The following ATF7IP variants were observed in gnomAD, a reference collection of about 807,000 sequenced individuals.
The protein encoded by ATF7IP is activating transcription factor 7 interacting protein, also known as activating transcription factor 7-interacting protein 1.
Under a neutral mutation model 106.4 loss-of-function variants are expected in ATF7IP, and 23 were observed. The ratio of observed to expected loss-of-function variants is 0.22; its 90% CI spans 0.16 to 0.31. The LOEUF (loss-of-function observed/expected upper bound fraction) is 0.31. Ranked by LOEUF, ATF7IP falls within the 10% of genes least tolerant of loss-of-function variation. ATF7IP has a pLI of 1.00. For missense variants in ATF7IP, 1,334 were observed against 1,524.3 expected (o/e 0.88, Z 2.08); for synonymous variants, 542 against 539.0 (o/e 1.01, Z -0.08).
In ATF7IP at chr12:14,427,954, A is replaced by T. The variant is rs145683022; in HGVS notation, c.1558+2481A>T. ...GCATATCATGGAGGACCTTGGTTAT[A>T]ATGCTAAAGCTTTATGATGGCGCTG... On this transcript the variant is annotated intron_variant, in intron 2 of 14. Coordinates refer to ENST00000261168, the MANE Select transcript of ATF7IP (RefSeq NM_018179.5). Among the ~76,000 whole-genome samples the T allele has an allele frequency of 1.2e-3, 190 of 152,284 alleles. 1 individual carries two copies. Among genetic ancestry groups the T allele is most frequent in the African/African-American group, 3.5e-3 (145 of 41,560 alleles).
At chr12:14,431,089 T>C (rs1942096290) in intron 2 of ATF7IP, among the ~76,000 whole-genome samples, 2 of 152,232 alleles carry the variant, frequency 1.3e-5, no homozygotes, top group Admixed American at 1.3e-4. Context: ...TAAATTCTAT[T>C]TTGTAATCCT....
chr12:14,437,713 GT>G (rs1174092888), intron 4 of ATF7IP, among the ~76,000 whole-genome samples: 1 of 152,182 alleles, frequency 6.6e-6, no homozygotes, highest in Non-Finnish European at 1.5e-5. Context: ...ATTCTAGCAT[GT>G]TTTATTCATT....
intron 5 of ATF7IP, among the ~76,000 whole-genome samples, chr12:14,445,426 C>T (rs538433144): frequency 1.3e-5 from 2 of 151,556 alleles, no homozygotes; most frequent in East Asian, 3.9e-4. Flanking sequence ...CGCTTTGTCA[C>T]CCATCCGCCC....
intron 1 of ATF7IP, among the ~76,000 whole-genome samples, chr12:14,372,404 G>A (rs902134528): frequency 6.7e-6 from 1 of 148,228 alleles, no homozygotes; most frequent in Admixed American, 6.8e-5. Flanking sequence ...TTTAAATTTC[G>A]ATCATTTGGA....
At chr12:14,472,926 G>A (rs776003354) in intron 10 of ATF7IP, among the ~76,000 whole-genome samples, 1 of 152,076 alleles carries the variant, frequency 6.6e-6, no homozygotes, top group Non-Finnish European at 1.5e-5. Context: ...TTCTACAGCA[G>A]CATTTTTATG....
intron 2 of ATF7IP, among the ~76,000 whole-genome samples, chr12:14,430,094 G>A (rs1410946920): frequency 6.6e-6 from 1 of 152,154 alleles, no homozygotes; most frequent in African/African-American, 2.4e-5. Flanking sequence ...CAGTGTTTAG[G>A]GTTGGGGAGA....
chr12:14,421,029 C>T (rs963826296), intron 1 of ATF7IP, among the ~76,000 whole-genome samples: 1 of 152,150 alleles, frequency 6.6e-6, no homozygotes, highest in African/African-American at 2.4e-5. Context: ...TCTTCAGAAC[C>T]ACATCCTTGT....
chr12:14,421,802 C>T (rs1395296672), intron 1 of ATF7IP, among the ~76,000 whole-genome samples: 1 of 152,108 alleles, frequency 6.6e-6, no homozygotes, highest in Non-Finnish European at 1.5e-5. Flanking sequence ...CTCTGCTGGG[C>T]ATGAAATAAA....
Position 14,436,157 on chromosome 12 carries a change from AGT to A in ATF7IP, c.1698_1699del (p.Gln566HisfsTer2). On this transcript the variant is annotated frameshift_variant, in exon 4 of 15. Transcript: ENST00000261168. LOFTEE classifies it high-confidence loss of function. ...AAATCAGAAGACATGGACAATGTAC[AGT>A]CTAAACGTCGTCGATATATGGAAGA... 1 of 1,613,716 alleles carries A rather than the reference AGT, an allele frequency of 6.2e-7. No homozygotes were observed. The highest frequency in any genetic ancestry group is 8.5e-7 in the Non-Finnish European group (1 of 1,179,776).
chr12:14,456,525 GT>G, intron 6 of ATF7IP, 35 bp from the exon 7 acceptor site: 1 of 1,507,122 alleles, frequency 6.6e-7, no homozygotes. Flanking sequence ...TGTGTGTTGA[GT>G]TTTATTTTTA....
chr12:14,494,673 C>T (rs1228194932), intron 13 of ATF7IP, among the ~76,000 whole-genome samples: 1 of 150,854 alleles, frequency 6.6e-6, no homozygotes, highest in Admixed American at 6.6e-5. Flanking sequence ...TAGCTCACGC[C>T]TGTAATCCCA....
At chr12:14,473,275 GCTCTCT>G (rs59477486) in intron 10 of ATF7IP, among the ~76,000 whole-genome samples, 1 of 69,460 alleles carries the variant, frequency 1.4e-5, no homozygotes. Flanking sequence ...TTTTTAGCGC[GCTCTCT>G]CTCTCTCTCT....
chr12:14,425,490 A>T lies in ATF7IP; in HGVS notation c.1558+17A>T. The T allele has an allele frequency of 6.7e-7, 1 of 1,495,732 alleles. No individual in the cohort carries two copies. The highest frequency in any genetic ancestry group is 8.9e-7 in the Non-Finnish European group (1 of 1,125,148). The allele number at this position is 1,495,732 out of a possible 1,614,324, so 92.7% of individuals were successfully genotyped here. On this transcript the variant is annotated intron_variant, in intron 2 of 14. Coordinates refer to ENST00000261168, the MANE Select transcript of ATF7IP (RefSeq NM_018179.5). ...GCTCTCCAGGTTAGCATATAACTTA[A>T]ATGTTAAAGATTTTTTATTGACTTT...
chr12:14,437,980 G>A, intron 4 of ATF7IP, 150 bp from the exon 5 acceptor site: 1 of 580,990 alleles, frequency 1.7e-6, no homozygotes, highest in Non-Finnish European at 2.8e-6. Flanking sequence ...GTGAACCCGG[G>A]AGGCGGAGCT....
intron 6 of ATF7IP, among the ~76,000 whole-genome samples, chr12:14,447,712 C>A (rs562654151): frequency 3.9e-5 from 6 of 152,070 alleles, no homozygotes; most frequent in African/African-American, 1.2e-4. Flanking sequence ...TACTATTTTC[C>A]CCAAAGTATT....
chr12:14,484,431 A>T (rs1565551906), intron 13 of ATF7IP, among the ~76,000 whole-genome samples: 1 of 152,206 alleles, frequency 6.6e-6, no homozygotes, highest in Non-Finnish European at 1.5e-5. Context: ...AGTTTTTGTT[A>T]CAACCCATAA....
At chr12:14,370,842 C>T (rs528305145) in intron 1 of ATF7IP, among the ~76,000 whole-genome samples, 9 of 151,224 alleles carry the variant, frequency 6.0e-5, no homozygotes, top group South Asian at 2.1e-4. Flanking sequence ...AAAAATAAGT[C>T]GCAAAATAAA....
chr12:14,491,014 C>G (rs1434818404), intron 13 of ATF7IP, among the ~76,000 whole-genome samples: 2 of 152,126 alleles, frequency 1.3e-5, no homozygotes, highest in African/African-American at 4.8e-5. Flanking sequence ...GATGACAGGG[C>G]TTTGCTCCAA....
Position 14,494,307 on chromosome 12 carries a change from ATATATATATATATATATATATATATATG to A in ATF7IP, c.3281-1922_3281-1895del, listed in dbSNP as rs1185267263. Among the ~76,000 whole-genome samples the A allele has an allele frequency of 4.1e-4, 36 of 88,376 alleles. 2 individuals are homozygous for A. Among genetic ancestry groups the A allele is most frequent in the South Asian group, 3.0e-4 (1 of 3,356 alleles). The allele number at this position is 88,376 out of a possible 152,430, so 58.0% of individuals were successfully genotyped here. Reference sequence around the variant, plus strand: ...AGAATATATATATATATATATATATATATATATATATATATATATATATATATGTGTGTGTGTATATGTATATATACAC... The same window carrying A: ...AGAATATATATATATATATATATATATGTGTGTGTATATGTATATATACAC... On this transcript the variant is annotated intron_variant, in intron 13 of 14. Coordinates refer to ENST00000261168, the MANE Select transcript of ATF7IP (RefSeq NM_018179.5).
Sources: allele counts gnomAD v4.1 joint callset (sites outside exome capture counted in the v4.1 genomes callset), GRCh38; gene constraint gnomAD v4.1.1; transcripts MANE v1.5; gene names NCBI Gene and HGNC (gene_info 2026-07-23, HGNC 2026-07-21).